ADGRL2: variants seen among roughly 807,000 people sequenced by gnomAD.
ADGRL2 encodes adhesion G protein-coupled receptor L2.
ADGRL2 carries 44 observed loss-of-function variants against 157.4 expected under a neutral mutation model. That is an observed-to-expected ratio of 0.28 (90% CI 0.22 to 0.36). The LOEUF is 0.36. Ranked by LOEUF, ADGRL2 falls within the 10% of genes least tolerant of loss-of-function variation. The pLI is 1.00. For missense variants in ADGRL2, 1,510 were observed against 1,768.9 expected, an observed-to-expected ratio of 0.85 and a Z score of 2.63; for synonymous variants, 585 against 624.7, an observed-to-expected ratio of 0.94 and a Z score of 0.95.
chr1:81,354,534 A>G (rs947233879), intron 1 of ADGRL2, among the ~76,000 whole-genome samples: 5 of 152,182 alleles, frequency 3.3e-5, no homozygotes, highest in East Asian at 1.9e-4. Context: ...TCATCATGTT[A>G]TCCCCTCCCA....
intron 2 of ADGRL2, among the ~76,000 whole-genome samples, chr1:81,898,808 C>T (rs1036982657): frequency 6.6e-6 from 1 of 152,098 alleles, no homozygotes; most frequent in African/African-American, 2.4e-5. Context: ...TTCACTTCAG[C>T]CTGGTTGAAA....
intron 19 of ADGRL2, among the ~76,000 whole-genome samples, chr1:81,983,757 G>A (rs1662309637): frequency 6.6e-6 from 1 of 151,982 alleles, no homozygotes; most frequent in Non-Finnish European, 1.5e-5. Flanking sequence ...TTTAGATGGG[G>A]CCCTATTATT....
intron 2 of ADGRL2, among the ~76,000 whole-genome samples, chr1:81,899,008 G>T (rs548926693): frequency 6.6e-6 from 1 of 152,116 alleles, no homozygotes; most frequent in Non-Finnish European, 1.5e-5. Flanking sequence ...TAATCAAAAA[G>T]CATGGTGCTT....
intron 17 of ADGRL2, among the ~76,000 whole-genome samples, chr1:81,978,774 GATC>G (rs1660852919): frequency 6.6e-6 from 1 of 151,704 alleles, no homozygotes; most frequent in Non-Finnish European, 1.5e-5. Context: ...CAGTAAAAAT[GATC>G]ATGTTACTGT....
chr1:81,820,564 A>T (rs979032271), intron 1 of ADGRL2, among the ~76,000 whole-genome samples: 16 of 147,804 alleles, frequency 1.1e-4, no homozygotes, highest in African/African-American at 3.5e-4. Flanking sequence ...TGGGGGGAAG[A>T]CTCTTCTTTT....
intron 1 of ADGRL2, among the ~76,000 whole-genome samples, chr1:81,401,020 G>A (rs891630651): frequency 6.6e-6 from 1 of 152,272 alleles, no homozygotes; most frequent in East Asian, 1.9e-4. Context: ...GAGCGTCGCT[G>A]TTCTGAACAG....
chr1:81,808,095 T>A (rs1380416975), intron 1 of ADGRL2, among the ~76,000 whole-genome samples: 1 of 151,970 alleles, frequency 6.6e-6, no homozygotes, highest in Admixed American at 6.6e-5. Flanking sequence ...TACTATTGAT[T>A]GGTTTGGAAG....
intron 3 of ADGRL2, among the ~76,000 whole-genome samples, chr1:81,918,252 A>C (rs148869819): frequency 1.3e-5 from 2 of 152,110 alleles, no homozygotes; most frequent in Non-Finnish European, 2.9e-5. Context: ...TCGTGACATA[A>C]ATGTGCAAAG....
chr1:81,638,578 C>T (rs1323581906), intron 3 of ADGRL2, among the ~76,000 whole-genome samples: 1 of 152,012 alleles, frequency 6.6e-6, no homozygotes, highest in Non-Finnish European at 1.5e-5. Flanking sequence ...TCATACTACC[C>T]TAGAAATGAC....
chr1:81,497,142 A>G (rs943448143), intron 2 of ADGRL2, among the ~76,000 whole-genome samples: 4 of 152,168 alleles, frequency 2.6e-5, no homozygotes, highest in African/African-American at 7.2e-5. Context: ...TTGCCATAAC[A>G]CTGTGTAGAA....
intron 1 of ADGRL2, among the ~76,000 whole-genome samples, chr1:81,364,401 C>T (rs2076028675): frequency 2.0e-5 from 3 of 152,020 alleles, no homozygotes; most frequent in Admixed American, 1.3e-4. Flanking sequence ...GAAAACACTG[C>T]TTATTTTTAA....
intron 1 of ADGRL2, among the ~76,000 whole-genome samples, chr1:81,734,455 G>C (rs2084829632): frequency 7.0e-6 from 1 of 143,528 alleles, no homozygotes; most frequent in Non-Finnish European, 1.5e-5. Flanking sequence ...ACTTAGGAGA[G>C]AGACATGGAA....
chr1:81,442,224 C>G (rs2077520637), intron 1 of ADGRL2, among the ~76,000 whole-genome samples: 1 of 152,188 alleles, frequency 6.6e-6, no homozygotes, highest in Non-Finnish European at 1.5e-5. Flanking sequence ...AGAAGTCTGG[C>G]TGTCAGTTGG....
At position 81,426,057 on chromosome 1, in the gene ADGRL2, A is replaced by G. The variant is rs553565796; in HGVS notation, c.-301-18979A>G. The stretch of plus-strand genomic sequence containing the variant: ...AACAAATTTATTTGACCAAAGTTTC[A>G]TGTGGTAGAAAGCCTTCAGAAATGA... On this transcript the variant is annotated intron_variant, in intron 1 of 24. Transcript: ENST00000370721. Among the ~76,000 whole-genome samples, 7 of 152,212 alleles carry G rather than the reference A, an allele frequency of 4.6e-5. No individual in the cohort carries two copies. The South Asian group carries it at 1.2e-3, about 27-fold the overall frequency.
At chr1:81,776,509 A>T (rs1173177117) in intron 2 of ADGRL2, among the ~76,000 whole-genome samples, 1 of 152,212 alleles carries the variant, frequency 6.6e-6, no homozygotes, top group Non-Finnish European at 1.5e-5. Context: ...ATAAAATTAA[A>T]ATAGGCATAG....
chr1:81,608,964 T>C (rs796596633), intron 3 of ADGRL2, among the ~76,000 whole-genome samples: 2 of 152,268 alleles, frequency 1.3e-5, no homozygotes, highest in African/African-American at 4.8e-5. Context: ...CTCTGCTCTC[T>C]TGAGAGGTTT....
intron 2 of ADGRL2, among the ~76,000 whole-genome samples, chr1:81,871,304 T>C (rs980669481): frequency 6.6e-6 from 1 of 151,740 alleles, no homozygotes; most frequent in Non-Finnish European, 1.5e-5. Flanking sequence ...ATGGTGTATA[T>C]GTGCCACATT....
chr1:81,937,171 T>C (rs2095322881), intron 4 of ADGRL2, among the ~76,000 whole-genome samples: 1 of 151,946 alleles, frequency 6.6e-6, no homozygotes, highest in Non-Finnish European at 1.5e-5. Flanking sequence ...GCTCACAGTT[T>C]TCTAAAGAAG....
chr1:81,660,837 G>A (rs1029389089), intron 3 of ADGRL2, among the ~76,000 whole-genome samples: 8 of 152,132 alleles, frequency 5.3e-5, no homozygotes, highest in African/African-American at 1.9e-4. Context: ...GTCAAACACT[G>A]TGCAATTATA....
Sources: gnomAD v4.1 joint callset for allele counts (sites outside exome capture counted in the v4.1 genomes callset) on GRCh38, gnomAD v4.1.1 for gene constraint, MANE v1.5 for transcripts, NCBI Gene and HGNC (gene_info 2026-07-23, HGNC 2026-07-21) for gene names.